The following HHIPL1 variants were observed in gnomAD, a reference collection of about 807,000 sequenced individuals.
The protein encoded by HHIPL1 is HHIP-like protein 1.
Under a neutral mutation model 61.8 loss-of-function variants are expected in HHIPL1, and 43 were observed. That is an observed-to-expected ratio of 0.70 (90% CI 0.55 to 0.90). The LOEUF (loss-of-function observed/expected upper bound fraction) is 0.90, where lower values mean the gene tolerates loss of function less well. HHIPL1 is among the 40% of genes least tolerant of loss of function. The pLI, the probability that HHIPL1 is intolerant of heterozygous loss-of-function variation, is 0.00. For missense variants in HHIPL1, 1,056 were observed against 1,157.7 expected (o/e 0.91, Z 1.28); for synonymous variants, 482 against 515.8 (o/e 0.93, Z 0.89).
At chr14:99,605,415 C>T in the HHIPL1 span, among the ~76,000 whole-genome samples, 1 of 151,538 alleles carries the variant, frequency 6.6e-6, no homozygotes, top group African/African-American at 2.4e-5. Context: ...CCGGAACCTG[C>T]AACGAGATCA....
Position 99,675,227 on chromosome 14 carries a change from C to A in HHIPL1, c.1950C>A (p.Ser650Arg). 8.3e-7 allele frequency: 1 copy of A among 1,201,234 alleles called. No individual in the cohort carries two copies. Among genetic ancestry groups the A allele is most frequent in the Non-Finnish European group, 1.0e-6 (1 of 968,072 alleles). The allele number at this position is 1,201,234 out of a possible 1,614,324, so 74.4% of individuals were successfully genotyped here. A position where few individuals can be genotyped will look rare whatever the true frequency, so the allele number is the denominator to read the frequency against. ...CGCGGCCCACCCAGCAGCCAGGGAGCCGGAGGGGCGGCGGGCGGCGGCGGG... is the reference window on the plus strand; with the variant it reads ...CGCGGCCCACCCAGCAGCCAGGGAGACGGAGGGGCGGCGGGCGGCGGCGGG... ...RPARPTQQPG[S>R]RRGGGRRRGR... The change falls in exon 9 of 9, where the codon AGC becomes AGA. Residue 650 changes from serine (S) to arginine (R), a missense_variant. Coordinates refer to ENST00000330710, the MANE Select transcript of HHIPL1 (RefSeq NM_001127258.3). The surrounding 1 kb of genome is among the most constrained non-coding windows in gnomAD (Gnocchi z 5.4).
chr14:99,642,084 C>T (rs762434436), upstream of HHIPL1, among the ~76,000 whole-genome samples: 4 of 151,340 alleles, frequency 2.6e-5, no homozygotes, highest in African/African-American at 9.7e-5. Flanking sequence ...GGATTACAGG[C>T]GCCCGTCACC....
At chr14:99,662,816 T>C in intron 5 of HHIPL1, 60 bp from the exon 6 acceptor site, 1 of 1,468,116 alleles carries the variant, frequency 6.8e-7, no homozygotes, top group Non-Finnish European at 9.2e-7. Flanking sequence ...GATGGATTGG[T>C]GGGTAGGTTC....
In HHIPL1 at chr14:99,658,754, C is replaced by T. The variant is rs145398825; in HGVS notation, c.1047-674C>T. Among the ~76,000 whole-genome samples the T allele has an allele frequency of 1.2e-4, 18 of 152,234 alleles. No individual in the cohort carries two copies. In the East Asian group the frequency reaches 3.5e-3, roughly 29 times the overall value. ...GCTTAGGGCTGCACCCCTCTGCTCT[C>T]TCCCCCTCTCCCCACCAACCCGCAC... On this transcript the variant is annotated intron_variant, in intron 3 of 8. Transcript: ENST00000330710.
At position 99,660,224 on chromosome 14, in the gene HHIPL1, C is replaced by G. The variant is rs1371843795; in HGVS notation, c.1376-56C>G. 7.5e-6 allele frequency: 12 copies of G among 1,608,348 alleles called. No individual in the cohort carries two copies. The African/African-American group carries it at 1.5e-4, about 20-fold the overall frequency. On this transcript the variant is annotated intron_variant, in intron 4 of 8. Coordinates refer to ENST00000330710, the MANE Select transcript of HHIPL1 (RefSeq NM_001127258.3). This position sits in a 1 kb window ranked among gnomAD's most constrained non-coding sequence, Gnocchi z 4.9. ...CGGAATCCCTCCGGAATTCTCCTGG[C>G]TGATGAACCTTCCCGCCGCTGGCTC...
At chr14:99,655,880 G>A (rs1566809325) in intron 2 of HHIPL1, among the ~76,000 whole-genome samples, 2 of 152,194 alleles carry the variant, frequency 1.3e-5, no homozygotes, top group African/African-American at 4.8e-5. Flanking sequence ...GTACCAAGAT[G>A]GCTGGGTGGA....
intron 8 of HHIPL1, among the ~76,000 whole-genome samples, chr14:99,673,243 C>A (rs1396186136): frequency 6.6e-6 from 1 of 151,826 alleles, no homozygotes; most frequent in Non-Finnish European, 1.5e-5. Flanking sequence ...AGGGTCTGAG[C>A]TCAGTGATTT....
chr14:99,669,326 AG>A (rs1380550697), intron 7 of HHIPL1: 2 of 1,018,626 alleles, frequency 2.0e-6, no homozygotes, highest in Non-Finnish European at 2.4e-6. Context: ...CTTCCACAGC[AG>A]TCTGAACGTC....
chr14:99,615,682 GGAAA>G, the HHIPL1 span, among the ~76,000 whole-genome samples: 164 of 145,454 alleles, frequency 1.1e-3, 1 homozygote, highest in Middle Eastern at 3.6e-3. Context: ...AAAGAAGGAA[GGAAA>G]GAAAGAAAGA....
At chr14:99,654,003 A>G (rs58308096) in intron 2 of HHIPL1, among the ~76,000 whole-genome samples, 324 of 152,302 alleles carry the variant, frequency 2.1e-3, no homozygotes, top group African/African-American at 7.3e-3. Flanking sequence ...AGCCTGGCCA[A>G]CATGGCGAAA....
intron 2 of HHIPL1, among the ~76,000 whole-genome samples, 170 bp from the exon 3 acceptor site, chr14:99,656,827 GAAA>G: frequency 5.0e-3 from 20 of 4,014 alleles, no homozygotes; most frequent in Admixed American, 7.5e-3. Context: ...AAGAAAGAAA[GAAA>G]GAAAGAAAGG....
At chr14:99,640,183 C>A (rs758240030), upstream of HHIPL1, among the ~76,000 whole-genome samples, 11 of 152,170 alleles carry the variant, frequency 7.2e-5, no homozygotes, top group Non-Finnish European at 1.0e-4. Flanking sequence ...ATTTTACCTT[C>A]TTTTAAAGCA....
At position 99,675,597 on chromosome 14, in the gene HHIPL1, G is replaced by C. The variant is rs907508717; in HGVS notation, c.2320G>C (p.Val774Leu). Residue 774 changes from valine to leucine, a missense_variant, in exon 9 of 9, where the codon GTG becomes CTG. Physicochemically the swap from Val to Leu is conservative, Grantham distance 32 (BLOSUM62 1). Transcript: ENST00000330710. This position sits in a 1 kb window ranked among gnomAD's most constrained non-coding sequence, Gnocchi z 5.4. ...CGAGCACGACGAGGATGCGGGCGTC[G>C]TGTGCAGCCACCAGAACCCCGACCT... ...NCEHDEDAGVVCSHQNPDL is the reference protein window; with the variant it reads ...NCEHDEDAGVLCSHQNPDL The C allele has an allele frequency of 3.3e-6, 5 of 1,529,246 alleles. No individual in the cohort carries two copies. Among genetic ancestry groups the C allele is most frequent in the Non-Finnish European group, 4.4e-6 (5 of 1,141,394 alleles). 94.7% of individuals were successfully genotyped at this position (1,529,246 alleles called of 1,614,324 possible). A position where few individuals can be genotyped will look rare whatever the true frequency, so the allele number is the denominator to read the frequency against.
chr14:99,629,778 C>T, the HHIPL1 span, among the ~76,000 whole-genome samples: 3 of 152,342 alleles, frequency 2.0e-5, no homozygotes, highest in South Asian at 4.1e-4. Flanking sequence ...GCTGGGATTA[C>T]AGGCGTAAGC....
the HHIPL1 span, among the ~76,000 whole-genome samples, chr14:99,623,799 C>G: frequency 2.6e-5 from 4 of 152,216 alleles, no homozygotes; most frequent in African/African-American, 9.6e-5. Flanking sequence ...CCTGCTGTAC[C>G]TGTGATTTGA....
Position 99,677,780 on chromosome 14 carries a change from C to A in HHIPL1, c.*2154C>A, listed in dbSNP as rs2140101271. The A allele has an allele frequency of 6.6e-6, 1 of 152,346 alleles. No individual in the cohort carries two copies. Among genetic ancestry groups the A allele is most frequent in the African/African-American group, 2.4e-5 (1 of 41,568 alleles). The allele number at this position is 152,346 out of a possible 1,614,324, so 9.4% of individuals were successfully genotyped here. A position where few individuals can be genotyped will look rare whatever the true frequency, so the allele number is the denominator to read the frequency against. ...TTGGCAAAGGGAGCTCTGGGTGCGG[C>A]CTCAGGCCCTCCAGTACTTCTCTGG... On this transcript the variant is annotated 3_prime_UTR_variant, in exon 9 of 9. Transcript: ENST00000330710. The surrounding 1 kb of genome is among the most constrained non-coding windows in gnomAD (Gnocchi z 4.3).
chr14:99,659,627 T>C lies in HHIPL1; in HGVS notation c.1246T>C (p.Phe416Leu). The change falls in exon 4 of 9, where the codon TTC (phenylalanine) becomes CTC (leucine). Residue 416 changes from phenylalanine to leucine, a missense_variant. Transcript: ENST00000330710. ...PSSGTGRGRLFCGDVGQNKFE... is the reference protein window; with the variant it reads ...PSSGTGRGRLLCGDVGQNKFE... Reference sequence around the variant, plus strand: ...CTCGGGCACTGGCCGCGGGCGCCTCTTCTGCGGCGACGTGGGCCAGAACAA... The same window carrying C: ...CTCGGGCACTGGCCGCGGGCGCCTCCTCTGCGGCGACGTGGGCCAGAACAA... 6.4e-7 allele frequency: 1 copy of C among 1,551,712 alleles called. No individual in the cohort carries two copies. The highest frequency in any genetic ancestry group is 1.9e-5 in the Admixed American group (1 of 52,858).
chr14:99,670,521 GTGTCAGCT>G (rs1462394975), intron 7 of HHIPL1, among the ~76,000 whole-genome samples: 2 of 151,962 alleles, frequency 1.3e-5, no homozygotes, highest in East Asian at 3.9e-4. Context: ...TCCCCTGTTT[GTGTCAGCT>G]TCTCACTTTC....
At chr14:99,645,080 G>A, upstream of HHIPL1, 1 of 807,778 alleles carries the variant, frequency 1.2e-6, no homozygotes, top group African/African-American at 1.8e-5. Context: ...TCCTAGAAGG[G>A]GAGGTCCCCA....
Sources: gnomAD v4.1 joint callset for allele counts (sites outside exome capture counted in the v4.1 genomes callset) on GRCh38, gnomAD v4.1.1 for gene constraint, Gnocchi (gnomAD v3.1) non-coding constraint, MANE v1.5 for transcripts, NCBI Gene and HGNC (gene_info 2026-07-23, HGNC 2026-07-21) for gene names.